Variants in WDR6 observed in about 807,000 individuals in gnomAD.
WDR6 encodes the protein tRNA (34-2'-O)-methyltransferase regulator WDR6.
Under a neutral mutation model 85.6 loss-of-function variants are expected in WDR6, and 58 were observed. The observed-to-expected ratio is 0.68, with a 90% CI of 0.55 to 0.84. The LOEUF (loss-of-function observed/expected upper bound fraction) is 0.84. Ranked by LOEUF, WDR6 falls within the 40% of genes least tolerant of loss-of-function variation. The probability of loss-of-function intolerance (pLI) is 0.00; values close to 1 mark genes in which losing one functional copy is unlikely to be tolerated. For synonymous variants in WDR6, 569 were observed against 582.2 expected (o/e 0.98, Z 0.33); for missense variants, 1,310 against 1,476.4 (o/e 0.89, Z 1.85).
rs1192875837 is a variant in WDR6, at chr3:49,013,637, C to T, written c.2103C>T (p.Gly701=). The change falls in exon 2 of 6, where the codon GGC becomes GGT. Residue 701 remains glycine (G), a synonymous_variant. Transcript: ENST00000608424. The surrounding 1 kb of genome is among the most constrained non-coding windows in gnomAD (Gnocchi z 4.6). ...TGATTCTCCGGGAGGGTCTGCATGG[C>T]CGTGAGATCACTTGTGTAAAGCGTG... The part of the protein sequence containing the change: ...PHVILREGLH[G]REITCVKRVG... 1.2e-6 allele frequency: 2 copies of T among 1,614,020 alleles called. No individual in the cohort carries two copies. The highest frequency in any genetic ancestry group is 1.7e-6 in the Non-Finnish European group (2 of 1,180,020).
At position 49,014,720 on chromosome 3, in the gene WDR6, T is replaced by A; in HGVS notation, c.2902+2T>A. 1 of 1,613,058 alleles carries A rather than the reference T, an allele frequency of 6.2e-7. No homozygotes were observed. On this transcript the variant is annotated splice_donor_variant, in intron 5 of 5. Coordinates refer to ENST00000608424, the MANE Select transcript of WDR6 (RefSeq NM_018031.6). LOFTEE classifies it high-confidence loss of function. The surrounding 1 kb of genome is among the most constrained non-coding windows in gnomAD (Gnocchi z 4.9). ...CAGTGGATCCTGGGCTTCCCTACCG[T>A]GAGTAGCTAATGTGCAACCATGGCT...
At chr3:49,008,070 G>A (rs1201073935) in intron 1 of WDR6, 1 of 152,724 alleles carries the variant, frequency 6.5e-6, no homozygotes, top group African/African-American at 2.4e-5. Flanking sequence ...TAAGGTGGGG[G>A]TGAAGATCCT....
Position 49,014,615 on chromosome 3 carries a change from C to T in WDR6, c.2799C>T (p.Cys933=), listed in dbSNP as rs2093040419. ...APNQRRRLLL[C]SAATDGSLAF... is the part of the protein sequence containing the mutation. ...TGGCTCTCAGGAGGCTCCTCCTGTG[C>T]AGCGCAGCTACTGATGGCAGCCTGG... Residue 933 remains cysteine (C), a synonymous_variant, in exon 5 of 6, where the codon TGC becomes TGT. Transcript: ENST00000608424. The surrounding 1 kb of genome is among the most constrained non-coding windows in gnomAD (Gnocchi z 4.9). 1 of 1,613,620 alleles carries T rather than the reference C, an allele frequency of 6.2e-7. No homozygotes were observed. Among genetic ancestry groups the T allele is most frequent in the African/African-American group, 1.3e-5 (1 of 75,020 alleles).
rs766415586 is a variant in WDR6 at position 49,013,138 on chromosome 3, G to C, written c.1604G>C (p.Arg535Pro). ...LKDPGVGGKA[R>P]AGAGAPVVGS... Reference sequence around the variant, plus strand: ...GACCCTGGGGTGGGAGGCAAGGCTCGGGCTGGTGCTGGGGCACCTGTAGTG... The same window carrying C: ...GACCCTGGGGTGGGAGGCAAGGCTCCGGCTGGTGCTGGGGCACCTGTAGTG... Residue 535 changes from arginine to proline, a missense_variant, in exon 2 of 6, where the codon CGG becomes CCG. Physicochemically the swap from Arg to Pro is moderately radical, Grantham distance 103 (BLOSUM62 -2). Coordinates refer to ENST00000608424, the MANE Select transcript of WDR6 (RefSeq NM_018031.6). This position sits in a 1 kb window ranked among gnomAD's most constrained non-coding sequence, Gnocchi z 4.6. The C allele has an allele frequency of 6.2e-7, 1 of 1,608,372 alleles. No individual in the cohort carries two copies. Among genetic ancestry groups the C allele is most frequent in the East Asian group, 2.2e-5 (1 of 44,746 alleles).
chr3:49,013,627 G>T lies in WDR6; in HGVS notation c.2093G>T (p.Gly698Val). 1 of 1,614,116 alleles carries T rather than the reference G, an allele frequency of 6.2e-7. No individual in the cohort carries two copies. Among genetic ancestry groups the T allele is most frequent in the African/African-American group, 1.3e-5 (1 of 75,010 alleles). The change falls in exon 2 of 6, where the codon GGT becomes GTT. Residue 698 changes from glycine (G) to valine (V), a missense_variant. Physicochemically the swap from Gly to Val is moderately radical, Grantham distance 109. Transcript: ENST00000608424. The surrounding 1 kb of genome is among the most constrained non-coding windows in gnomAD (Gnocchi z 4.6). ...CTRPHVILRE[G>V]LHGREITCVK... ...CGGCCACACGTGATTCTCCGGGAGG[G>T]TCTGCATGGCCGTGAGATCACTTGT...
At position 49,015,837 on chromosome 3, in the gene WDR6, G is replaced by A. The variant is rs567655530; in HGVS notation, c.*549G>A. 1.9e-6 allele frequency: 3 copies of A among 1,614,208 alleles called. No individual in the cohort carries two copies. Among genetic ancestry groups the A allele is most frequent in the African/African-American group, 2.7e-5 (2 of 75,048 alleles). On this transcript the variant is annotated 3_prime_UTR_variant, in exon 6 of 6. Transcript: ENST00000608424. ...TGTGTACCCGGTTGTAGTAGGAGCT[G>A]AAATCCATGCTGAGCTGTACCAGGA...
rs753315480 is a variant in WDR6 at position 49,012,531 on chromosome 3, C to T, written c.997C>T (p.Arg333Trp). 9 of 1,613,884 alleles carry T rather than the reference C, an allele frequency of 5.6e-6. No individual in the cohort carries two copies. Among genetic ancestry groups the T allele is most frequent in the Admixed American group, 5.0e-5 (3 of 59,992 alleles). ...RLWHLVGRGY[R>W]GLGVSALCFK... Reference sequence around the variant, plus strand: ...GTGGCACTTGGTAGGGCGTGGGTACCGGGGATTGGGGGTCTCGGCTCTCTG... The same window carrying T: ...GTGGCACTTGGTAGGGCGTGGGTACTGGGGATTGGGGGTCTCGGCTCTCTG... The change falls in exon 2 of 6, where the codon CGG becomes TGG. Residue 333 changes from arginine to tryptophan, a missense_variant. Transcript: ENST00000608424. This position sits in a 1 kb window ranked among gnomAD's most constrained non-coding sequence, Gnocchi z 4.4.
rs527568208 is a variant in WDR6 at position 49,014,275 on chromosome 3, G to C, written c.2648G>C (p.Cys883Ser). 2 of 1,614,182 alleles carry C rather than the reference G, an allele frequency of 1.2e-6. No individual in the cohort carries two copies. Among genetic ancestry groups the C allele is most frequent in the African/African-American group, 2.7e-5 (2 of 75,028 alleles). Residue 883 changes from cysteine (C) to serine (S), a missense_variant, in exon 3 of 6, where the codon TGT becomes TCT. By Grantham distance (112) the Cys-to-Ser change is moderately radical (BLOSUM62 -1). Transcript: ENST00000608424. The surrounding 1 kb of genome is among the most constrained non-coding windows in gnomAD (Gnocchi z 4.9). ...PGLGPLVAAA[C>S]SDGAVRLFLL... ...CTTGGCCCCCTTGTGGCTGCAGCCT[G>C]TAGTGATGGGGCCGTAAGGTGAGAG...
In WDR6 at chr3:49,014,628, G is replaced by A; in HGVS notation, c.2812G>A (p.Asp938Asn). 6.2e-7 allele frequency: 1 copy of A among 1,613,660 alleles called. No individual in the cohort carries two copies. The highest frequency in any genetic ancestry group is 8.5e-7 in the Non-Finnish European group (1 of 1,179,986). ...GCTCCTCCTGTGCAGCGCAGCTACTGATGGCAGCCTGGCTTTCTGGGATCT... is the reference window on the plus strand; with the variant it reads ...GCTCCTCCTGTGCAGCGCAGCTACTAATGGCAGCCTGGCTTTCTGGGATCT... ...RRLLLCSAAT[D>N]GSLAFWDLTT... Residue 938 changes from aspartate (D) to asparagine (N), a missense_variant, in exon 5 of 6, where the codon GAT becomes AAT. By Grantham distance (23) the Asp-to-Asn change is conservative. Transcript: ENST00000608424. This position sits in a 1 kb window ranked among gnomAD's most constrained non-coding sequence, Gnocchi z 4.9.
chr3:49,013,769 A>AT lies in WDR6; in HGVS notation c.2236dup (p.Cys746LeufsTer2). On this transcript the variant is annotated frameshift_variant, in exon 2 of 6. Transcript: ENST00000608424. LOFTEE classifies it high-confidence loss of function. The surrounding 1 kb of genome is among the most constrained non-coding windows in gnomAD (Gnocchi z 4.6). Reference sequence around the variant, plus strand: ...CCGACTTGACTGACATTGTGATCACATGTAGTGAGGACACTACTGTCTGTG... The same window carrying AT: ...CCGACTTGACTGACATTGTGATCACATTGTAGTGAGGACACTACTGTCTGTG... 6.2e-7 allele frequency: 1 copy of AT among 1,614,112 alleles called. No individual in the cohort carries two copies. The highest frequency in any genetic ancestry group is 8.5e-7 in the Non-Finnish European group (1 of 1,179,996).
In WDR6 at chr3:49,013,949, G is replaced by C. The variant is rs778627359; in HGVS notation, c.2415G>C (p.Ala805=). 40 of 1,612,104 alleles carry C rather than the reference G, an allele frequency of 2.5e-5. No individual in the cohort carries two copies. Among genetic ancestry groups the C allele is most frequent in the Middle Eastern group, 1.6e-4 (1 of 6,062 alleles). ...QPGLTAHVVS[A]GGRAEMHCFS... ...GCCTGACTGCCCATGTGGTGTCTGC[G>C]GGGGGGCGGGCTGAGATGCACTGCT... The change falls in exon 2 of 6, where the codon GCG becomes GCC. Residue 805 remains alanine, a synonymous_variant. Transcript: ENST00000608424. The surrounding 1 kb of genome is among the most constrained non-coding windows in gnomAD (Gnocchi z 4.6).
At position 49,012,112 on chromosome 3, in the gene WDR6, T is replaced by C; in HGVS notation, c.578T>C (p.Leu193Ser). 6.2e-7 allele frequency: 1 copy of C among 1,614,064 alleles called. No homozygotes were observed. The highest frequency in any genetic ancestry group is 1.3e-5 in the African/African-American group (1 of 75,054). ...TTGGTCTGGTACCCAGCAACTGCCTTAGCAGACAACAAACCTGTAGCACCT... is the reference window on the plus strand; with the variant it reads ...TTGGTCTGGTACCCAGCAACTGCCTCAGCAGACAACAAACCTGTAGCACCT... The part of the protein sequence containing the change: ...QLLVWYPATA[L>S]ADNKPVAPDR... Residue 193 changes from leucine (L) to serine (S), a missense_variant, in exon 2 of 6, where the codon TTA becomes TCA. Physicochemically the swap from Leu to Ser is moderately radical, Grantham distance 145. Transcript: ENST00000608424. This position sits in a 1 kb window ranked among gnomAD's most constrained non-coding sequence, Gnocchi z 4.4.
Position 49,007,696 on chromosome 3 carries a change from C to A in WDR6, c.100+165C>A. Reference sequence around the variant, plus strand: ...GCCCCGGAGATGGCGGGGACGAGGGCCAACCTGAAGAGGGCGGGGCCCGAG... The same window carrying A: ...GCCCCGGAGATGGCGGGGACGAGGGACAACCTGAAGAGGGCGGGGCCCGAG... On this transcript the variant is annotated intron_variant, in intron 1 of 5. Transcript: ENST00000608424. The surrounding 1 kb of genome is among the most constrained non-coding windows in gnomAD (Gnocchi z 5.1). The A allele has an allele frequency of 7.5e-7, 1 of 1,324,718 alleles. No individual in the cohort carries two copies. Among genetic ancestry groups the A allele is most frequent in the East Asian group, 2.9e-5 (1 of 34,342 alleles). The allele number at this position is 1,324,718 out of a possible 1,614,324, so 82.1% of individuals were successfully genotyped here.
chr3:49,013,537 C>T lies in WDR6; in HGVS notation c.2003C>T (p.Ala668Val). 1 of 1,614,024 alleles carries T rather than the reference C, an allele frequency of 6.2e-7. No homozygotes were observed. Among genetic ancestry groups the T allele is most frequent in the Non-Finnish European group, 8.5e-7 (1 of 1,180,022 alleles). Residue 668 changes from alanine to valine, a missense_variant, in exon 2 of 6, where the codon GCC becomes GTC. Coordinates refer to ENST00000608424, the MANE Select transcript of WDR6 (RefSeq NM_018031.6). This position sits in a 1 kb window ranked among gnomAD's most constrained non-coding sequence, Gnocchi z 4.6. The stretch of plus-strand genomic sequence containing the variant: ...TGGGCATTCTCTGATACTGAGGCGG[C>T]CATGGCCTTTGCTTACCTCAAGGAT... ...RSWAFSDTEA[A>V]MAFAYLKDGD...
rs1257450275 is a variant in WDR6, at chr3:49,013,423, T to TG, written c.1892dup (p.His633ProfsTer4). 6.2e-7 allele frequency: 1 copy of TG among 1,614,202 alleles called. No homozygotes were observed. Among genetic ancestry groups the TG allele is most frequent in the East Asian group, 2.2e-5 (1 of 44,886 alleles). On this transcript the variant is annotated frameshift_variant, in exon 2 of 6. Coordinates refer to ENST00000608424, the MANE Select transcript of WDR6 (RefSeq NM_018031.6). LOFTEE classifies it high-confidence loss of function. This position sits in a 1 kb window ranked among gnomAD's most constrained non-coding sequence, Gnocchi z 4.6. Reference sequence around the variant, plus strand: ...GTGCCCGATGGGAGCATGGTTATCCTGGGTTTCCATGCCAATGAGTTTGTG... The same window carrying TG: ...GTGCCCGATGGGAGCATGGTTATCCTGGGGTTTCCATGCCAATGAGTTTGTG...
In WDR6 at chr3:49,013,543, C is replaced by T; in HGVS notation, c.2009C>T (p.Ala670Val). The change falls in exon 2 of 6, where the codon GCC becomes GTC. Residue 670 changes from alanine (A) to valine (V), a missense_variant. By Grantham distance (64) the Ala-to-Val change is moderately conservative. Transcript: ENST00000608424. The surrounding 1 kb of genome is among the most constrained non-coding windows in gnomAD (Gnocchi z 4.6). ...TTCTCTGATACTGAGGCGGCCATGG[C>T]CTTTGCTTACCTCAAGGATGGGGAT... ...WAFSDTEAAM[A>V]FAYLKDGDVM... 6.2e-7 allele frequency: 1 copy of T among 1,613,984 alleles called. No individual in the cohort carries two copies. The highest frequency in any genetic ancestry group is 1.6e-4 in the Middle Eastern group (1 of 6,062).
Position 49,012,409 on chromosome 3 carries a change from C to T in WDR6, c.875C>T (p.Ala292Val), listed in dbSNP as rs2106695521. Residue 292 changes from alanine (A) to valine (V), a missense_variant, in exon 2 of 6, where the codon GCC (alanine) becomes GTC (valine). By Grantham distance (64) the Ala-to-Val change is moderately conservative (BLOSUM62 0). Transcript: ENST00000608424. The surrounding 1 kb of genome is among the most constrained non-coding windows in gnomAD (Gnocchi z 4.4). ...VWSHEGEILQ[A>V]FRGHQGRGIR... The stretch of plus-strand genomic sequence containing the variant: ...AGCCATGAAGGTGAGATCCTCCAGG[C>T]CTTTCGGGGACACCAGGGACGTGGG... The T allele has an allele frequency of 6.2e-7, 1 of 1,614,162 alleles. No homozygotes were observed.
Position 49,013,248 on chromosome 3 carries a change from G to A in WDR6, c.1714G>A (p.Val572Met), listed in dbSNP as rs767092657. 4.3e-6 allele frequency: 7 copies of A among 1,613,990 alleles called. No individual in the cohort carries two copies. The highest frequency in any genetic ancestry group is 5.9e-6 in the Non-Finnish European group (7 of 1,180,032). The change falls in exon 2 of 6, where the codon GTG (valine) becomes ATG (methionine). Residue 572 changes from valine to methionine, a missense_variant. By Grantham distance (21) the Val-to-Met change is conservative. Coordinates refer to ENST00000608424, the MANE Select transcript of WDR6 (RefSeq NM_018031.6). The surrounding 1 kb of genome is among the most constrained non-coding windows in gnomAD (Gnocchi z 4.6). ...TLPSLHGKQG[V>M]TSVTCHGGYV... ...GCCCTCTCTGCACGGGAAGCAGGGT[G>A]TGACCTCAGTCACATGCCATGGTGG... is the stretch of plus-strand genomic sequence containing the variant.
intron 1 of WDR6, among the ~76,000 whole-genome samples, chr3:49,009,243 C>T (rs909846005): frequency 6.6e-6 from 1 of 151,674 alleles, no homozygotes; most frequent in Non-Finnish European, 1.5e-5. Flanking sequence ...ATGCTCTTGC[C>T]CATCTCAGGG....
Sources: allele counts gnomAD v4.1 joint callset (sites outside exome capture counted in the v4.1 genomes callset), GRCh38; gene constraint gnomAD v4.1.1; non-coding constraint Gnocchi (gnomAD v3.1); transcripts MANE v1.5; gene names NCBI Gene and HGNC (gene_info 2026-07-23, HGNC 2026-07-21).